CUX2: variants seen among roughly 807,000 people sequenced by gnomAD.
The protein encoded by CUX2 is cut like homeobox 2.
CUX2 carries 40 observed loss-of-function variants against 144.8 expected under a neutral mutation model. That is an observed-to-expected ratio of 0.28 (90% CI 0.21 to 0.36). The LOEUF (loss-of-function observed/expected upper bound fraction) is 0.36, where lower values mean the gene tolerates loss of function less well. Among genes scored for constraint, CUX2 ranks in the 10% least tolerant of loss-of-function variants. The pLI, the probability that CUX2 is intolerant of heterozygous loss-of-function variation, is 1.00. For synonymous variants in CUX2, 827 were observed against 875.6 expected (o/e 0.94, Z 0.98); for missense variants, 1,615 against 1,994.0 (o/e 0.81, Z 3.62).
At chr12:111,080,869 G>T (rs1482662975) in intron 1 of CUX2, among the ~76,000 whole-genome samples, 1 of 152,200 alleles carries the variant, frequency 6.6e-6, no homozygotes, top group South Asian at 2.1e-4. Context: ...ATAAGTTATT[G>T]TTATTATTAC....
Position 111,347,742 on chromosome 12 carries a change from A to C in CUX2, c.3878A>C (p.Lys1293Thr), listed in dbSNP as rs1888873292. ...ENSTPLTTQD[K>T]AQVRIKQEQM... ...AGCACACCCCTGACCACCCAGGACAAGGCCCAAGTGAGGATCAAGCAGGAA... is the reference window on the plus strand; with the variant it reads ...AGCACACCCCTGACCACCCAGGACACGGCCCAAGTGAGGATCAAGCAGGAA... Residue 1293 changes from lysine (K) to threonine (T), a missense_variant, in exon 22 of 22, where the codon AAG becomes ACG. Transcript: ENST00000261726. 6 of 1,613,908 alleles carry C rather than the reference A, an allele frequency of 3.7e-6. No individual in the cohort carries two copies. The East Asian group carries it at 1.3e-4, about 36-fold the overall frequency.
At chr12:111,060,187 G>A (rs1481890320) in intron 1 of CUX2, among the ~76,000 whole-genome samples, 1 of 152,118 alleles carries the variant, frequency 6.6e-6, no homozygotes. Context: ...TTATGAGGCT[G>A]GTCGTGAGCA....
chr12:111,308,634 G>A (rs541679770), intron 14 of CUX2, 108 bp downstream of exon 14: 11 of 925,920 alleles, frequency 1.2e-5, no homozygotes, highest in East Asian at 5.3e-5. Context: ...GCAGGAGAAC[G>A]ACAGAACAAC....
At chr12:111,149,028 A>C (rs548389284) in intron 1 of CUX2, among the ~76,000 whole-genome samples, 23 of 152,242 alleles carry the variant, frequency 1.5e-4, no homozygotes, top group African/African-American at 5.5e-4. Context: ...GTGGTAGGTA[A>C]GGACACTTAC....
chr12:111,312,091 C>G lies in CUX2; in HGVS notation c.1901-9C>G. 1.9e-6 allele frequency: 3 copies of G among 1,603,820 alleles called. No individual in the cohort carries two copies. In the South Asian group the frequency reaches 3.3e-5, roughly 18 times the overall value. On this transcript the variant is annotated splice_polypyrimidine_tract_variant and intron_variant, in intron 15 of 21. Coordinates refer to ENST00000261726, the MANE Select transcript of CUX2 (RefSeq NM_015267.4). This position sits in a 1 kb window ranked among gnomAD's most constrained non-coding sequence, Gnocchi z 4.3. ...AGATCCTGCCACAGATGCCTTCTTG[C>G]CTCCCCAGGCAGCATCACCCCGAGA...
At chr12:111,123,816 G>C (rs1047272822) in intron 1 of CUX2, among the ~76,000 whole-genome samples, 1 of 152,038 alleles carries the variant, frequency 6.6e-6, no homozygotes, top group African/African-American at 2.4e-5. Flanking sequence ...GATTACAGGC[G>C]TGAGCCACCG....
At chr12:111,294,710 A>G (rs1458853439) in intron 6 of CUX2, among the ~76,000 whole-genome samples, 1 of 152,054 alleles carries the variant, frequency 6.6e-6, no homozygotes, top group African/African-American at 2.4e-5. Flanking sequence ...CAGCCTGACC[A>G]ACATGGTGAA....
chr12:111,162,026 G>A (rs1050109999), intron 1 of CUX2, among the ~76,000 whole-genome samples: 2 of 152,180 alleles, frequency 1.3e-5, no homozygotes, highest in Non-Finnish European at 1.5e-5. Context: ...ATGAGCCACC[G>A]CACCTGGACA....
At chr12:111,071,208 A>C (rs1215283893) in intron 1 of CUX2, among the ~76,000 whole-genome samples, 5 of 152,000 alleles carry the variant, frequency 3.3e-5, no homozygotes, top group Admixed American at 1.3e-4. Flanking sequence ...ATTGTCTTTC[A>C]AAGTGGCTAC....
At chr12:111,264,905 G>A (rs556939588) in intron 4 of CUX2, among the ~76,000 whole-genome samples, 37 of 152,154 alleles carry the variant, frequency 2.4e-4, no homozygotes, top group African/African-American at 8.7e-4. Context: ...AGAGTCGATT[G>A]TTGGTTGCCC....
intron 1 of CUX2, among the ~76,000 whole-genome samples, chr12:111,144,529 G>A (rs572833752): frequency 5.3e-5 from 8 of 152,144 alleles, no homozygotes; most frequent in Non-Finnish European, 1.2e-4. Flanking sequence ...CTGGGTTTGT[G>A]GGGGGCTTCT....
intron 3 of CUX2, among the ~76,000 whole-genome samples, chr12:111,247,235 G>A (rs1274378011): frequency 3.9e-5 from 6 of 152,160 alleles, no homozygotes; most frequent in Non-Finnish European, 8.8e-5. Context: ...AAGGACCCCG[G>A]CTAGACTGGG....
intron 1 of CUX2, among the ~76,000 whole-genome samples, chr12:111,212,294 G>A (rs1035084188): frequency 3.3e-5 from 5 of 152,080 alleles, no homozygotes; most frequent in South Asian, 2.1e-4. Context: ...GATAAAAACC[G>A]GGCTTTTAAA....
At position 111,311,600 on chromosome 12, in the gene CUX2, A is replaced by ATT. The variant is rs1490811302; in HGVS notation, c.1901-499_1901-498dup. Among the ~76,000 whole-genome samples, 523 of 138,500 alleles carry ATT rather than the reference A, an allele frequency of 3.8e-3. 10 individuals carry two copies. Among genetic ancestry groups the ATT allele is most frequent in the African/African-American group, 0.013 (437 of 34,636 alleles). 90.9% of individuals were successfully genotyped at this position (138,500 alleles called of 152,430 possible). ...CACTGTACCCTATTTCTTTATTATT[A>ATT]TTATTTTTTTTTTTTTGAGACGGAG... On this transcript the variant is annotated intron_variant, in intron 15 of 21. Coordinates refer to ENST00000261726, the MANE Select transcript of CUX2 (RefSeq NM_015267.4).
intron 1 of CUX2, among the ~76,000 whole-genome samples, chr12:111,050,391 A>G (rs900759801): frequency 3.9e-5 from 6 of 152,122 alleles, no homozygotes; most frequent in South Asian, 2.1e-4. Context: ...CTGGGTGTCA[A>G]ACCTCTCTGT....
intron 4 of CUX2, among the ~76,000 whole-genome samples, chr12:111,278,533 C>T (rs1392395492): frequency 6.6e-6 from 1 of 152,158 alleles, no homozygotes; most frequent in African/African-American, 2.4e-5. Context: ...AACTCTGTGG[C>T]GCCCTACCCT....
intron 6 of CUX2, among the ~76,000 whole-genome samples, chr12:111,294,151 G>A (rs1218368838): frequency 6.6e-6 from 1 of 152,208 alleles, no homozygotes; most frequent in Non-Finnish European, 1.5e-5. Flanking sequence ...CTGGGCTACA[G>A]AGCTGGAGTG....
intron 2 of CUX2, 136 bp from the exon 3 acceptor site, chr12:111,217,754 G>T: frequency 1.1e-6 from 1 of 882,684 alleles, no homozygotes. Flanking sequence ...TGTCCCTTGT[G>T]AAATCCAATG....
Position 111,291,488 on chromosome 12 carries a change from T to A in CUX2, c.372T>A (p.Ser124Arg), listed in dbSNP as rs1275470346. ...TGCAGCCCCCCAGCTTTGACCCCAGTGGGCAGCCCCGGCGAGACCTCCACA... is the reference window on the plus strand; with the variant it reads ...TGCAGCCCCCCAGCTTTGACCCCAGAGGGCAGCCCCGGCGAGACCTCCACA... ...DRLQPPSFDPSGQPRRDLHTS... is the reference protein window; with the variant it reads ...DRLQPPSFDPRGQPRRDLHTS... The change falls in exon 5 of 22, where the codon AGT becomes AGA. Residue 124 changes from serine (S) to arginine (R), a missense_variant. Physicochemically the swap from Ser to Arg is moderately radical, Grantham distance 110. This residue lies in a region of CUX2 where 295 missense variants were observed against 400.2 expected (regional missense o/e 0.74). Transcript: ENST00000261726. The A allele has an allele frequency of 6.2e-7, 1 of 1,611,308 alleles. No homozygotes were observed. The highest frequency in any genetic ancestry group is 1.3e-5 in the African/African-American group (1 of 74,638).
Sources: allele counts gnomAD v4.1 joint callset (sites outside exome capture counted in the v4.1 genomes callset), GRCh38; gene constraint gnomAD v4.1.1; regional missense constraint gnomAD v4.1.1; non-coding constraint Gnocchi (gnomAD v3.1); transcripts MANE v1.5; gene names NCBI Gene and HGNC (gene_info 2026-07-23, HGNC 2026-07-21).